The following ATP5PO variants were observed in gnomAD, a reference collection of about 807,000 sequenced individuals.
ATP5PO encodes the protein ATP synthase peripheral stalk subunit OSCP, mitochondrial.
In ATP5PO, 14 loss-of-function variants were observed where a neutral mutation model predicts 26.2. That is an observed-to-expected ratio of 0.53 (90% CI 0.35 to 0.83). ATP5PO has a LOEUF of 0.83. ATP5PO is among the 40% of genes least tolerant of loss of function. The probability of loss-of-function intolerance (pLI) is 0.01; values close to 1 mark genes in which losing one functional copy is unlikely to be tolerated. For missense variants in ATP5PO, 241 were observed against 258.5 expected, an observed-to-expected ratio of 0.93 and a Z score of 0.46; for synonymous variants, 106 against 95.1, an observed-to-expected ratio of 1.12 and a Z score of -0.67.
rs370270223 is a variant in ATP5PO at position 33,909,162 on chromosome 21, A to C, written c.248T>G (p.Val83Gly). 1 of 1,613,772 alleles carries C rather than the reference A, an allele frequency of 6.2e-7. No individual in the cohort carries two copies. Among genetic ancestry groups the C allele is most frequent in the African/African-American group, 1.3e-5 (1 of 74,936 alleles). Residue 83 changes from valine to glycine, a missense_variant, in exon 4 of 7, where the codon GTG (valine) becomes GGG (glycine). By Grantham distance (109) the Val-to-Gly change is moderately radical. This residue lies in a region of ATP5PO where 125 missense variants were observed against 108.5 expected (regional missense o/e 1.15). Transcript: ENST00000290299. ...KVAASVLNPY[V>G]KRSIKVKSLN... is the part of the protein sequence containing the mutation. ...GCTTTTCACTTTAATGGAACGCTTC[A>C]CATAGGGATTCAAAACAGAAGCAGC...
In ATP5PO at chr21:33,913,642, G is replaced by A. The variant is rs569272876; in HGVS notation, c.87+808C>T. Among the ~76,000 whole-genome samples, 7 of 152,200 alleles carry A rather than the reference G, an allele frequency of 4.6e-5. No individual in the cohort carries two copies. In the East Asian group the frequency reaches 1.4e-3, roughly 29 times the overall value. On this transcript the variant is annotated intron_variant, in intron 2 of 6. Coordinates refer to ENST00000290299, the MANE Select transcript of ATP5PO (RefSeq NM_001697.3). ...ATCCGGGGTCAACTGGATTACTTCTGGTTTGAAAAGAAAGGGACTGGCAAC... is the reference window on the plus strand; with the variant it reads ...ATCCGGGGTCAACTGGATTACTTCTAGTTTGAAAAGAAAGGGACTGGCAAC...
intron 5 of ATP5PO, 83 bp from the exon 6 acceptor site, chr21:33,904,104 A>G: frequency 8.2e-7 from 1 of 1,221,088 alleles, no homozygotes; most frequent in South Asian, 1.4e-5. Context: ...CCACATCACC[A>G]AGACAGGCCT....
In ATP5PO at chr21:33,912,368, C is replaced by T. The variant is rs1000967266; in HGVS notation, c.119G>A (p.Arg40His). The T allele has an allele frequency of 8.7e-6, 14 of 1,612,546 alleles. No individual in the cohort carries two copies. The highest frequency in any genetic ancestry group is 4.5e-5 in the East Asian group (2 of 44,828). ...AGCAGAATAAAGAGCTGTGGCATAG[C>T]GACCTTCAATACCGTATACCTGAAC... ...PPVQVYGIEG[R>H]YATALYSAAS... Residue 40 changes from arginine to histidine, a missense_variant, in exon 3 of 7, where the codon CGC becomes CAC. Arg to His is a conservative substitution (Grantham distance 29). This residue lies in a region of ATP5PO where 125 missense variants were observed against 108.5 expected (regional missense o/e 1.15). Transcript: ENST00000290299.
At position 33,904,346 on chromosome 21, in the gene ATP5PO, T is replaced by C. The variant is rs192746951; in HGVS notation, c.442-325A>G. Among the ~76,000 whole-genome samples the C allele has an allele frequency of 1.1e-3, 170 of 152,340 alleles. 1 individual carries two copies. Among genetic ancestry groups the C allele is most frequent in the African/African-American group, 3.9e-3 (162 of 41,564 alleles). On this transcript the variant is annotated intron_variant, in intron 5 of 6. Transcript: ENST00000290299. ...TAACAAGGAAAGGCCTTCAAGTTTC[T>C]AATGCCTGAAGATGCAGCCCCATCA...
chr21:33,904,953 C>T (rs1044366766), intron 5 of ATP5PO, among the ~76,000 whole-genome samples: 7 of 152,234 alleles, frequency 4.6e-5, no homozygotes, highest in Non-Finnish European at 8.8e-5. Flanking sequence ...GCTGGTCAGA[C>T]TGGTCTCGAA....
chr21:33,908,942 G>C, intron 4 of ATP5PO, 140 bp downstream of exon 4: 3 of 957,320 alleles, frequency 3.1e-6, no homozygotes, highest in Non-Finnish European at 4.5e-6. Flanking sequence ...TACAGACTCT[G>C]ATTCAGCAGG....
chr21:33,912,069 A>C (rs1405707880), intron 3 of ATP5PO, among the ~76,000 whole-genome samples: 1 of 152,170 alleles, frequency 6.6e-6, no homozygotes. Context: ...CTTAGCCCCT[A>C]ATCTTGGTTC....
intron 2 of ATP5PO, 57 bp downstream of exon 2, chr21:33,914,393 T>C (rs555807529): frequency 1.9e-6 from 3 of 1,539,944 alleles, no homozygotes; most frequent in East Asian, 2.3e-5. Flanking sequence ...ACTGTACTGC[T>C]GTTTGACTCA....
chr21:33,905,918 G>GAAAAAAAAAAAA lies in ATP5PO; in HGVS notation c.441+1411_441+1422dup, dbSNP rs59334506. On this transcript the variant is annotated intron_variant, in intron 5 of 6. Transcript: ENST00000290299. ...CAGAGTGAGACTCAGTCTCAAAAAA[G>GAAAAAAAAAAAA]AAAAAAAAAAAAAAAAAAAAGAAAA... Among the ~76,000 whole-genome samples, 920 of 98,338 alleles carry GAAAAAAAAAAAA rather than the reference G, an allele frequency of 9.4e-3. 82 individuals are homozygous for GAAAAAAAAAAAA. The highest frequency in any genetic ancestry group is 0.073 in the East Asian group (209 of 2,882). The allele number at this position is 98,338 out of a possible 152,430, so 64.5% of individuals were successfully genotyped here. A position where few individuals can be genotyped will look rare whatever the true frequency, so the allele number is the denominator to read the frequency against.
chr21:33,909,814 CT>C (rs1987225126), intron 3 of ATP5PO, among the ~76,000 whole-genome samples: 1 of 152,212 alleles, frequency 6.6e-6, no homozygotes, highest in African/African-American at 2.4e-5. Flanking sequence ...CTTCATTAGA[CT>C]GCATACTTTA....
chr21:33,904,885 C>T (rs961917382), intron 5 of ATP5PO, among the ~76,000 whole-genome samples: 14 of 152,108 alleles, frequency 9.2e-5, no homozygotes, highest in African/African-American at 1.7e-4. Flanking sequence ...GAATTACAGG[C>T]GCATGCCATC....
intron 5 of ATP5PO, chr21:33,907,019 G>A: frequency 2.8e-6 from 1 of 353,594 alleles, no homozygotes; most frequent in South Asian, 2.3e-5. Flanking sequence ...TCTAGTTTCA[G>A]GAAACTACTT....
At chr21:33,904,889 T>C (rs766802918) in intron 5 of ATP5PO, among the ~76,000 whole-genome samples, 15 of 152,248 alleles carry the variant, frequency 9.9e-5, no homozygotes, top group Admixed American at 3.9e-4. Context: ...TACAGGCGCA[T>C]GCCATCACAC....
Position 33,907,058 on chromosome 21 carries a change from A to C in ATP5PO, c.441+283T>G, listed in dbSNP as rs4817599. The C allele has an allele frequency of 2.4e-6, 1 of 418,764 alleles. No individual in the cohort carries two copies. The highest frequency in any genetic ancestry group is 4.5e-6 in the Non-Finnish European group (1 of 224,472). 25.9% of individuals were successfully genotyped at this position (418,764 alleles called of 1,614,324 possible). A position where few individuals can be genotyped will look rare whatever the true frequency, so the allele number is the denominator to read the frequency against. On this transcript the variant is annotated intron_variant, in intron 5 of 6. Transcript: ENST00000290299. ...GTGGTATTCATAAAATAATTCAAAC[A>C]TATAATAGAGTCTAAACCACTCTTT...
At chr21:33,910,471 A>G (rs774723087) in intron 3 of ATP5PO, among the ~76,000 whole-genome samples, 10 of 151,912 alleles carry the variant, frequency 6.6e-5, no homozygotes, top group Non-Finnish European at 1.2e-4. Context: ...TAGTGCCAAA[A>G]CCCTGCTAAT....
intron 5 of ATP5PO, chr21:33,906,725 C>T: frequency 2.2e-6 from 1 of 456,274 alleles, no homozygotes. Flanking sequence ...TGGTAGCTTA[C>T]ACCTTTATTC....
chr21:33,907,238 C>A, intron 5 of ATP5PO, 103 bp downstream of exon 5: 1 of 1,033,602 alleles, frequency 9.7e-7, no homozygotes, highest in South Asian at 1.5e-5. Context: ...GACAAGTTAC[C>A]TTTCCCAATT....
chr21:33,906,684 A>T (rs1987177284), intron 5 of ATP5PO: 9 of 456,144 alleles, frequency 2.0e-5, no homozygotes, highest in South Asian at 1.4e-4. Flanking sequence ...CCAAAGATGA[A>T]AGGTTAGTAA....
intron 2 of ATP5PO, 82 bp from the exon 3 acceptor site, chr21:33,912,481 T>A: frequency 1.1e-6 from 1 of 923,326 alleles, no homozygotes; most frequent in Non-Finnish European, 1.6e-6. Flanking sequence ...AATTTAAAAT[T>A]TATATTTTAA....
Sources: allele counts gnomAD v4.1 joint callset (sites outside exome capture counted in the v4.1 genomes callset), GRCh38; gene constraint gnomAD v4.1.1; regional missense constraint gnomAD v4.1.1; transcripts MANE v1.5; gene names NCBI Gene and HGNC (gene_info 2026-07-23, HGNC 2026-07-21).